CTNNA3: variants seen among roughly 807,000 people sequenced by gnomAD.
CTNNA3 encodes the protein catenin alpha-3.
A neutral mutation model predicts 95.7 loss-of-function variants in CTNNA3; 76 were observed. That is an observed-to-expected ratio of 0.79 (90% CI 0.66 to 0.96). CTNNA3 has a LOEUF of 0.96. Ranked by LOEUF, CTNNA3 falls within the 40% of genes least tolerant of loss-of-function variation. The probability of loss-of-function intolerance (pLI) is 0.00; values close to 1 mark genes in which losing one functional copy is unlikely to be tolerated. For synonymous variants in CTNNA3, 431 were observed against 374.4 expected, an observed-to-expected ratio of 1.15 and a Z score of -1.74; for missense variants, 1,191 against 1,089.8, an observed-to-expected ratio of 1.09 and a Z score of -1.31.
chr10:66,434,045 G>C (rs2093318835), intron 11 of CTNNA3, among the ~76,000 whole-genome samples: 1 of 152,178 alleles, frequency 6.6e-6, no homozygotes, highest in South Asian at 2.1e-4. Flanking sequence ...TGTTACTGCA[G>C]CCTTGTAGTG....
intron 15 of CTNNA3, among the ~76,000 whole-genome samples, chr10:66,017,420 A>T (rs80311675): frequency 0.013 from 1,912 of 152,268 alleles, 32 homozygotes; most frequent in African/African-American, 0.044. Flanking sequence ...GACTTGAAAC[A>T]TTTAATTTCT....
chr10:66,373,620 T>C (rs932807398), intron 12 of CTNNA3, among the ~76,000 whole-genome samples: 3 of 151,458 alleles, frequency 2.0e-5, no homozygotes, highest in African/African-American at 7.3e-5. Flanking sequence ...AAAAGAGTTA[T>C]ATTAACGTCT....
chr10:67,299,610 A>G (rs10762161), intron 5 of CTNNA3, among the ~76,000 whole-genome samples: 38,309 of 152,094 alleles, frequency 0.25, 7,055 homozygotes, highest in African/African-American at 0.51. Context: ...TCATCCCCAT[A>G]TGGGGTTTTA....
intron 12 of CTNNA3, among the ~76,000 whole-genome samples, chr10:66,327,735 G>A (rs537555279): frequency 6.6e-6 from 1 of 152,104 alleles, no homozygotes; most frequent in East Asian, 1.9e-4. Flanking sequence ...TTTAGAAAGA[G>A]AGTGTGAAAA....
intron 13 of CTNNA3, among the ~76,000 whole-genome samples, chr10:66,235,609 A>T (rs1217325770): frequency 1.3e-5 from 2 of 152,120 alleles, no homozygotes; most frequent in African/African-American, 4.8e-5. Context: ...ACTAATTTTA[A>T]GTATATTTGT....
intron 5 of CTNNA3, among the ~76,000 whole-genome samples, chr10:67,408,576 A>C (rs558863468): frequency 5.3e-5 from 8 of 152,160 alleles, no homozygotes; most frequent in Non-Finnish European, 1.2e-4. Flanking sequence ...ACTATATATA[A>C]AAATCAACTC....
At chr10:66,888,409 C>T (rs1845128366) in intron 7 of CTNNA3, among the ~76,000 whole-genome samples, 1 of 152,118 alleles carries the variant, frequency 6.6e-6, no homozygotes, top group Non-Finnish European at 1.5e-5. Context: ...TTCTGACATA[C>T]CGAACTATGA....
rs572138630 is a variant in CTNNA3 at position 65,982,981 on chromosome 10, C to T, written c.2265+5711G>A. ...CAACATGAAACAATTCAAATGAGGC[C>T]AGCCTCCAAGAATATTTTGTAAAAT... On this transcript the variant is annotated intron_variant, in intron 16 of 17. Coordinates refer to ENST00000433211, the MANE Select transcript of CTNNA3 (RefSeq NM_013266.4). 4.0e-5 allele frequency among the ~76,000 whole-genome samples: 6 copies of T among 151,434 alleles called. No homozygotes were observed. In the East Asian group the frequency reaches 1.2e-3, roughly 29 times the overall value.
intron 7 of CTNNA3, among the ~76,000 whole-genome samples, chr10:67,124,882 C>A (rs1393159163): frequency 6.6e-6 from 1 of 152,130 alleles, no homozygotes; most frequent in African/African-American, 2.4e-5. Flanking sequence ...AAGATTATCA[C>A]CAATAATGTT....
chr10:67,184,296 G>A (rs1862728571), intron 6 of CTNNA3, among the ~76,000 whole-genome samples: 1 of 152,140 alleles, frequency 6.6e-6, no homozygotes, highest in Non-Finnish European at 1.5e-5. Context: ...TCCAACTCTT[G>A]GTAGCCATTG....
Position 66,685,172 on chromosome 10 carries a change from T to C in CTNNA3, c.1282-63388A>G, listed in dbSNP as rs150780097. Among the ~76,000 whole-genome samples, 754 of 109,900 alleles carry C rather than the reference T, an allele frequency of 6.9e-3. 14 individuals are homozygous for C. Among genetic ancestry groups the C allele is most frequent in the African/African-American group, 0.027 (704 of 26,234 alleles). The allele number at this position is 109,900 out of a possible 152,430, so 72.1% of individuals were successfully genotyped here. A position where few individuals can be genotyped will look rare whatever the true frequency, so the allele number is the denominator to read the frequency against. ...ATATATATATACACGTATATATATA[T>C]ATACACATATATATATACGTGTATA... On this transcript the variant is annotated intron_variant, in intron 9 of 17. Transcript: ENST00000433211.
chr10:67,344,737 CT>C (rs1842348924), intron 5 of CTNNA3, among the ~76,000 whole-genome samples: 1 of 151,906 alleles, frequency 6.6e-6, no homozygotes, highest in Non-Finnish European at 1.5e-5. Context: ...ATCTTCTCTC[CT>C]TTTTCTTACT....
At chr10:66,444,982 T>G (rs915783410) in intron 11 of CTNNA3, among the ~76,000 whole-genome samples, 1 of 151,888 alleles carries the variant, frequency 6.6e-6, no homozygotes, top group South Asian at 2.1e-4. Context: ...GAGGAAGATC[T>G]ACCAAGCAAA....
At chr10:66,324,283 G>A (rs1248811809) in intron 12 of CTNNA3, among the ~76,000 whole-genome samples, 2 of 152,032 alleles carry the variant, frequency 1.3e-5, no homozygotes, top group Non-Finnish European at 1.5e-5. Context: ...TCATGCTACT[G>A]TACTCCATCC....
At chr10:67,642,909 G>A (rs766557246) in intron 2 of CTNNA3, among the ~76,000 whole-genome samples, 31 of 151,436 alleles carry the variant, frequency 2.0e-4, no homozygotes, top group African/African-American at 6.4e-4. Context: ...GGAAGACAGC[G>A]TGGCGATTTC....
intron 7 of CTNNA3, among the ~76,000 whole-genome samples, chr10:67,051,639 C>T (rs914913607): frequency 6.6e-6 from 1 of 152,014 alleles, no homozygotes; most frequent in Non-Finnish European, 1.5e-5. Context: ...CTTTTGACCT[C>T]ATGATCTGTC....
intron 5 of CTNNA3, among the ~76,000 whole-genome samples, chr10:67,389,636 C>A (rs1337501416): frequency 2.1e-5 from 3 of 144,060 alleles, no homozygotes; most frequent in South Asian, 4.6e-4. Context: ...ACACCTATTC[C>A]AAAATTGACC....
At chr10:67,672,235 G>C (rs1298056956) in intron 1 of CTNNA3, among the ~76,000 whole-genome samples, 1 of 152,094 alleles carries the variant, frequency 6.6e-6, no homozygotes, top group African/African-American at 2.4e-5. Flanking sequence ...ATTTGTTTGA[G>C]TTCATTGTAG....
At chr10:66,429,931 G>A in intron 11 of CTNNA3, among the ~76,000 whole-genome samples, 1 of 150,560 alleles carries the variant, frequency 6.6e-6, no homozygotes, top group East Asian at 1.9e-4. Context: ...GGAAATAAAG[G>A]GTATTCAATT....
Sources: allele counts gnomAD v4.1 joint callset (sites outside exome capture counted in the v4.1 genomes callset), GRCh38; gene constraint gnomAD v4.1.1; transcripts MANE v1.5; gene names NCBI Gene and HGNC (gene_info 2026-07-23, HGNC 2026-07-21).